TMEM72: variants seen among roughly 807,000 people sequenced by gnomAD.
TMEM72 encodes the protein transmembrane protein 72, also known as kidney-specific secretory protein of 37 kDa.
A neutral mutation model predicts 16.3 loss-of-function variants in TMEM72; 9 were observed. The observed-to-expected ratio is 0.55, with a 90% CI of 0.33 to 0.96. The LOEUF is 0.96. TMEM72 is among the 40% of genes least tolerant of loss of function. The pLI, the probability that TMEM72 is intolerant of heterozygous loss-of-function variation, is 0.03. For synonymous variants in TMEM72, 160 were observed against 146.5 expected, an observed-to-expected ratio of 1.09 and a Z score of -0.66; for missense variants, 324 against 337.8, an observed-to-expected ratio of 0.96 and a Z score of 0.32.
At position 44,920,542 on chromosome 10, in the gene TMEM72, G is replaced by A. The variant is rs145769963; in HGVS notation, c.71-7379G>A. Among the ~76,000 whole-genome samples, 362 of 152,266 alleles carry A rather than the reference G, an allele frequency of 2.4e-3. 1 individual carries two copies. Among genetic ancestry groups the A allele is most frequent in the African/African-American group, 8.2e-3 (339 of 41,532 alleles). On this transcript the variant is annotated intron_variant, in intron 1 of 4. Coordinates refer to ENST00000389583, the MANE Select transcript of TMEM72 (RefSeq NM_001123376.3). ...TATATCCCAACTGGGCTTTGAGAAG[G>A]GACCTCAAAGTAAATTAGTGAACAA...
At chr10:44,922,920 T>C (rs1393771190) in intron 1 of TMEM72, among the ~76,000 whole-genome samples, 1 of 152,218 alleles carries the variant, frequency 6.6e-6, no homozygotes, top group African/African-American at 2.4e-5. Context: ...GCCAAAAACC[T>C]CAGGTGGCTA....
At chr10:44,920,190 A>G (rs1840074057) in intron 1 of TMEM72, 1 of 152,240 alleles carries the variant, frequency 6.6e-6, no homozygotes. Flanking sequence ...TTCTCATCCA[A>G]TGCCCAGGGC....
intron 1 of TMEM72, among the ~76,000 whole-genome samples, chr10:44,915,408 G>A: frequency 6.6e-6 from 1 of 151,480 alleles, no homozygotes; most frequent in Non-Finnish European, 1.5e-5. Context: ...CACTGTACAG[G>A]AAGGGAAACC....
intron 1 of TMEM72, among the ~76,000 whole-genome samples, chr10:44,917,812 A>C (rs1840034645): frequency 6.6e-6 from 1 of 152,192 alleles, no homozygotes. Context: ...ATGAGTGAGC[A>C]GATGCATTCT....
chr10:44,931,801 C>A, intron 2 of TMEM72, 197 bp from the exon 3 acceptor site: 1 of 599,308 alleles, frequency 1.7e-6, no homozygotes, highest in Non-Finnish European at 2.9e-6. Context: ...AACCCCAGAC[C>A]CCACCTCTCC....
chr10:44,932,037 C>T lies in TMEM72; in HGVS notation c.177C>T (p.Tyr59=). The part of the protein sequence containing the change: ...GAAVSICEGA[Y]FVAQLLAICF... ...CTGTCTCCATATGTGAAGGGGCCTA[C>T]TTTGTGGCTCAGCTGCTGGCCATCT... The change falls in exon 3 of 5, where the codon TAC becomes TAT. Residue 59 remains tyrosine, a synonymous_variant. Coordinates refer to ENST00000389583, the MANE Select transcript of TMEM72 (RefSeq NM_001123376.3). The T allele has an allele frequency of 1.1e-5, 17 of 1,613,528 alleles. No individual in the cohort carries two copies. The highest frequency in any genetic ancestry group is 1.4e-5 in the Non-Finnish European group (17 of 1,179,810).
intron 4 of TMEM72, 58 bp downstream of exon 4, chr10:44,933,834 G>A: frequency 1.3e-6 from 2 of 1,527,582 alleles, no homozygotes; most frequent in Non-Finnish European, 1.8e-6. Context: ...TGAGCAGGAG[G>A]AGCTGAGCCC....
chr10:44,918,970 GT>G, intron 1 of TMEM72, among the ~76,000 whole-genome samples: 1 of 152,258 alleles, frequency 6.6e-6, no homozygotes, highest in Non-Finnish European at 1.5e-5. Context: ...ATAAATTTCT[GT>G]TGTCTATAAG....
chr10:44,935,136 C>A lies in TMEM72; in HGVS notation c.*2C>A, dbSNP rs576944254. On this transcript the variant is annotated 3_prime_UTR_variant, in exon 5 of 5. Transcript: ENST00000389583. ...CTTACAGCCACCGGCCTGTTCTGAG[C>A]GCTTGCTCCAGCCTGGAGGACGCTC... 21 of 1,569,284 alleles carry A rather than the reference C, an allele frequency of 1.3e-5. No individual in the cohort carries two copies. The highest frequency in any genetic ancestry group is 3.7e-5 in the Admixed American group (2 of 54,086).
chr10:44,933,820 A>C (rs774120102), intron 4 of TMEM72, 44 bp downstream of exon 4: 2 of 1,561,314 alleles, frequency 1.3e-6, no homozygotes, highest in South Asian at 1.2e-5. Flanking sequence ...GCACAGGTGG[A>C]CTCTGAGCAG....
chr10:44,917,843 T>A (rs1391654621), intron 1 of TMEM72, among the ~76,000 whole-genome samples: 1 of 152,168 alleles, frequency 6.6e-6, no homozygotes, highest in East Asian at 1.9e-4. Flanking sequence ...TGAGAAGGAA[T>A]AGGAAGTGAA....
chr10:44,926,273 G>A (rs1469781403), intron 1 of TMEM72, among the ~76,000 whole-genome samples: 1 of 152,150 alleles, frequency 6.6e-6, no homozygotes, highest in East Asian at 1.9e-4. Flanking sequence ...AGGCTGGAAA[G>A]CAGTGGGTAG....
intron 1 of TMEM72, among the ~76,000 whole-genome samples, chr10:44,927,467 C>A (rs550538346): frequency 1.7e-5 from 2 of 117,434 alleles, no homozygotes; most frequent in African/African-American, 6.8e-5. Context: ...CTGCCGCCAC[C>A]CCTCAGCAAG....
intron 3 of TMEM72, 103 bp downstream of exon 3, chr10:44,932,172 A>G: frequency 7.3e-7 from 1 of 1,370,096 alleles, no homozygotes; most frequent in Non-Finnish European, 1.0e-6. Context: ...CTGCTCCTGA[A>G]GCCACTGTGG....
In TMEM72 at chr10:44,927,998, G is replaced by C. The variant is rs377658450; in HGVS notation, c.137+11G>C. 1.9e-6 allele frequency: 3 copies of C among 1,613,076 alleles called. No homozygotes were observed. Among genetic ancestry groups the C allele is most frequent in the African/African-American group, 2.7e-5 (2 of 74,908 alleles). On this transcript the variant is annotated intron_variant, in intron 2 of 4. Coordinates refer to ENST00000389583, the MANE Select transcript of TMEM72 (RefSeq NM_001123376.3). ...GGCTTTCTATCTGCTGTGAGTATGTGTGCATGTGCCACTTTTGACCTGCAA... is the reference window on the plus strand; with the variant it reads ...GGCTTTCTATCTGCTGTGAGTATGTCTGCATGTGCCACTTTTGACCTGCAA...
At chr10:44,931,206 C>A (rs1269050389) in intron 2 of TMEM72, among the ~76,000 whole-genome samples, 1 of 152,190 alleles carries the variant, frequency 6.6e-6, no homozygotes, top group Non-Finnish European at 1.5e-5. Flanking sequence ...CTGATAGCTT[C>A]TTGTGTTGTC....
chr10:44,919,511 G>T (rs1840061134), intron 1 of TMEM72, among the ~76,000 whole-genome samples: 1 of 152,096 alleles, frequency 6.6e-6, no homozygotes, highest in African/African-American at 2.4e-5. Context: ...ATTAGAAAAT[G>T]AAATCTTTAA....
chr10:44,911,871 G>A (rs1207327854), intron 1 of TMEM72, among the ~76,000 whole-genome samples: 1 of 152,184 alleles, frequency 6.6e-6, no homozygotes, highest in Non-Finnish European at 1.5e-5. Context: ...GATTCCAGGG[G>A]CCACCCCACC....
chr10:44,923,392 T>C (rs1840135309), intron 1 of TMEM72, among the ~76,000 whole-genome samples: 1 of 151,998 alleles, frequency 6.6e-6, no homozygotes, highest in Admixed American at 6.6e-5. Context: ...CTCTCACTCT[T>C]ATTTCTCCCT....
Sources: gnomAD v4.1 joint callset for allele counts (sites outside exome capture counted in the v4.1 genomes callset) on GRCh38, gnomAD v4.1.1 for gene constraint, MANE v1.5 for transcripts, NCBI Gene and HGNC (gene_info 2026-07-23, HGNC 2026-07-21) for gene names.